The following FN3KRP variants were observed in gnomAD, a reference collection of about 807,000 sequenced individuals.
The protein encoded by FN3KRP is ketosamine-3-kinase.
Under a neutral mutation model 29.8 loss-of-function variants are expected in FN3KRP, and 33 were observed. That is an observed-to-expected ratio of 1.11 (90% CI 0.84 to 1.48). The LOEUF (loss-of-function observed/expected upper bound fraction) is 1.48, where lower values mean the gene tolerates loss of function less well. Ranked by LOEUF, FN3KRP falls within the 40% of genes most tolerant of loss-of-function variation. FN3KRP has a pLI of 0.00. For synonymous variants in FN3KRP, 157 were observed against 155.2 expected (o/e 1.01, Z -0.09); for missense variants, 430 against 402.6 (o/e 1.07, Z -0.58).
In FN3KRP at chr17:82,727,748, A is replaced by C. The variant is rs924261249; in HGVS notation, c.*577A>C. ...TCCCGCAGGCTGAGCAAGTCTGTAA[A>C]CTGATTCTGGGAGAAACCAAGCTGC... On this transcript the variant is annotated 3_prime_UTR_variant, in exon 6 of 6. Transcript: ENST00000269373. The C allele has an allele frequency of 6.6e-6, 1 of 152,432 alleles. No homozygotes were observed. Among genetic ancestry groups the C allele is most frequent in the African/African-American group, 2.4e-5 (1 of 41,452 alleles). The allele number at this position is 152,432 out of a possible 1,614,324, so 9.4% of individuals were successfully genotyped here.
Position 82,726,962 on chromosome 17 carries a change from C to A in FN3KRP, c.721C>A (p.His241Asn), listed in dbSNP as rs1202888165. The change falls in exon 6 of 6, where the codon CAC becomes AAC. Residue 241 changes from histidine to asparagine, a missense_variant. Coordinates refer to ENST00000269373, the MANE Select transcript of FN3KRP (RefSeq NM_024619.4). ...VIFDPASFYG[H>N]SEYELAIAGM... Reference sequence around the variant, plus strand: ...TTTTGACCCAGCTTCTTTCTACGGCCACTCGGAATATGAGCTGGCAATAGC... The same window carrying A: ...TTTTGACCCAGCTTCTTTCTACGGCAACTCGGAATATGAGCTGGCAATAGC... The A allele has an allele frequency of 1.9e-6, 3 of 1,613,844 alleles. No individual in the cohort carries two copies. Among genetic ancestry groups the A allele is most frequent in the Admixed American group, 3.3e-5 (2 of 59,936 alleles).
chr17:82,719,493 G>A (rs560093286), intron 2 of FN3KRP, among the ~76,000 whole-genome samples: 2 of 152,368 alleles, frequency 1.3e-5, no homozygotes, highest in African/African-American at 4.8e-5. Flanking sequence ...GGTGGCTCAC[G>A]CCTGGAATCC....
Position 82,727,273 on chromosome 17 carries a change from G to A in FN3KRP, c.*102G>A. Reference sequence around the variant, plus strand: ...GCTGGACTAGCTTAAGACCAATGCAGTAGCTTATTTCCAAGCCTTGCAAAG... The same window carrying A: ...GCTGGACTAGCTTAAGACCAATGCAATAGCTTATTTCCAAGCCTTGCAAAG... On this transcript the variant is annotated 3_prime_UTR_variant, in exon 6 of 6. Transcript: ENST00000269373. The A allele has an allele frequency of 4.9e-6, 5 of 1,019,380 alleles. No individual in the cohort carries two copies. Among genetic ancestry groups the A allele is most frequent in the Non-Finnish European group, 7.3e-6 (5 of 685,584 alleles). 63.1% of individuals were successfully genotyped at this position (1,019,380 alleles called of 1,614,324 possible).
At chr17:82,725,042 G>C (rs2046827578) in intron 4 of FN3KRP, among the ~76,000 whole-genome samples, 1 of 151,898 alleles carries the variant, frequency 6.6e-6, no homozygotes, top group Non-Finnish European at 1.5e-5. Flanking sequence ...CAATCTCCTG[G>C]CCTTGTGATC....
At chr17:82,717,867 T>A (rs907356577) in intron 1 of FN3KRP, among the ~76,000 whole-genome samples, 1 of 152,134 alleles carries the variant, frequency 6.6e-6, no homozygotes, top group Non-Finnish European at 1.5e-5. Flanking sequence ...TGTCTATGTG[T>A]ATGTTGTGTG....
At chr17:82,723,543 G>A (rs117564932) in intron 4 of FN3KRP, among the ~76,000 whole-genome samples, 132 of 152,174 alleles carry the variant, frequency 8.7e-4, no homozygotes, top group South Asian at 1.5e-3. Context: ...TTGTGTGCAC[G>A]CACGTCTGTG....
At position 82,727,061 on chromosome 17, in the gene FN3KRP, G is replaced by C. The variant is rs11551833; in HGVS notation, c.820G>C (p.Glu274Gln). Residue 274 changes from glutamate to glutamine, a missense_variant, in exon 6 of 6, where the codon GAG becomes CAG. Transcript: ENST00000269373. The part of the protein sequence containing the change: ...HGKIPKAPGF[E>Q]KRLQLYQLFH... ...CAAAATCCCCAAGGCCCCAGGATTC[G>C]AGAAGCGCCTTCAGTTGTATCAGCT... 1.2e-6 allele frequency: 2 copies of C among 1,614,094 alleles called. No homozygotes were observed. Among genetic ancestry groups the C allele is most frequent in the Admixed American group, 3.3e-5 (2 of 60,000 alleles).
At chr17:82,723,542 C>T (rs185515925) in intron 4 of FN3KRP, among the ~76,000 whole-genome samples, 12 of 151,962 alleles carry the variant, frequency 7.9e-5, no homozygotes, top group Admixed American at 4.6e-4. Context: ...TTTGTGTGCA[C>T]GCACGTCTGT....
chr17:82,718,154 GTGTTGTGTGTC>G (rs1346663025), intron 1 of FN3KRP, among the ~76,000 whole-genome samples: 1 of 150,904 alleles, frequency 6.6e-6, no homozygotes, highest in East Asian at 1.9e-4. Flanking sequence ...TGTTGTGTGT[GTGTTGTGTGTC>G]TGTATATGTT....
chr17:82,726,300 C>T (rs983770786), intron 4 of FN3KRP, among the ~76,000 whole-genome samples, 180 bp from the exon 5 acceptor site: 1 of 152,210 alleles, frequency 6.6e-6, no homozygotes, highest in Non-Finnish European at 1.5e-5. Flanking sequence ...GAGGTCTCAG[C>T]ATGTCCATGA....
At chr17:82,726,142 T>G (rs1463981637) in intron 4 of FN3KRP, among the ~76,000 whole-genome samples, 1 of 152,008 alleles carries the variant, frequency 6.6e-6, no homozygotes, top group Non-Finnish European at 1.5e-5. Context: ...ATGGCGCCAC[T>G]GCACTCCAGC....
Position 82,727,114 on chromosome 17 carries a change from TTTTGGA to T in FN3KRP, c.875_880del (p.Phe292_Gly293del). 1 of 1,614,092 alleles carries T rather than the reference TTTTGGA, an allele frequency of 6.2e-7. No homozygotes were observed. The highest frequency in any genetic ancestry group is 1.6e-4 in the Middle Eastern group (1 of 6,062). ...TTCACTACTTGAACCACTGGAATCA[TTTTGGA>T]TCGGGGTACAGAGGATCCTCCCTGA... On this transcript the variant is annotated inframe_deletion, in exon 6 of 6. Coordinates refer to ENST00000269373, the MANE Select transcript of FN3KRP (RefSeq NM_024619.4).
intron 3 of FN3KRP, chr17:82,721,085 T>C (rs914098909): frequency 6.6e-6 from 1 of 152,306 alleles, no homozygotes; most frequent in Non-Finnish European, 1.5e-5. Flanking sequence ...AGATTCTTTC[T>C]TTCTTTCTTT....
intron 3 of FN3KRP, chr17:82,722,560 T>C (rs1392867747): frequency 4.2e-6 from 2 of 473,616 alleles, no homozygotes; most frequent in Non-Finnish European, 7.5e-6. Context: ...GAGCAGCTAG[T>C]GTCTTTGATG....
rs996750941 is a variant in FN3KRP at position 82,720,328 on chromosome 17, T to A, written c.350T>A (p.Leu117His). ...GATTTACACCTTGATAACAAGAAGC[T>A]TGGAGAGATGCGCCTGAAGGAGGCG... ...LADLHLDNKK[L>H]GEMRLKEAGT... Residue 117 changes from leucine to histidine, a missense_variant, in exon 3 of 6, where the codon CTT becomes CAT. Leu to His is a moderately conservative substitution (Grantham distance 99, BLOSUM62 -3). Coordinates refer to ENST00000269373, the MANE Select transcript of FN3KRP (RefSeq NM_024619.4). The A allele has an allele frequency of 2.5e-6, 4 of 1,613,884 alleles. No individual in the cohort carries two copies.
At chr17:82,717,749 G>C (rs1345161636) in intron 1 of FN3KRP, among the ~76,000 whole-genome samples, 1 of 152,180 alleles carries the variant, frequency 6.6e-6, no homozygotes, top group Admixed American at 6.5e-5. Flanking sequence ...CCTAGCAGCG[G>C]TGACATGGCA....
intron 4 of FN3KRP, among the ~76,000 whole-genome samples, chr17:82,723,915 C>T (rs1164002783): frequency 6.6e-6 from 1 of 151,956 alleles, no homozygotes; most frequent in African/African-American, 2.4e-5. Flanking sequence ...GGCAGGTCAG[C>T]CAGCTCTGGC....
Position 82,726,585 on chromosome 17 carries a change from C to T in FN3KRP, c.574C>T (p.Leu192Phe), listed in dbSNP as rs1165189978. The T allele has an allele frequency of 3.1e-6, 5 of 1,613,124 alleles. No homozygotes were observed. The highest frequency in any genetic ancestry group is 1.3e-5 in the African/African-American group (1 of 74,904). Residue 192 changes from leucine to phenylalanine, a missense_variant, in exon 5 of 6, where the codon CTT becomes TTT. Transcript: ENST00000269373. ...GTCTGGGGACAGGGAGGCCCTCCAG[C>T]TTTGGTCTGCTCTGCAGGTGAGTGG... ...KESGDREALQ[L>F]WSALQLKIPD...
In FN3KRP at chr17:82,716,772, G is replaced by T; in HGVS notation, c.17G>T (p.Arg6Met). The T allele has an allele frequency of 6.5e-7, 1 of 1,529,258 alleles. No homozygotes were observed. The highest frequency in any genetic ancestry group is 8.7e-7 in the Non-Finnish European group (1 of 1,146,300). The allele number at this position is 1,529,258 out of a possible 1,614,324, so 94.7% of individuals were successfully genotyped here. Residue 6 changes from arginine to methionine, a missense_variant, in exon 1 of 6, where the codon AGG becomes ATG. By Grantham distance (91) the Arg-to-Met change is moderately conservative. Transcript: ENST00000269373. MEELL[R>M]RELGCSSVRA... ...GGCGGGAACATGGAGGAGCTCCTGAGGCGCGAGCTGGGCTGCAGCTCTGTC... is the reference window on the plus strand; with the variant it reads ...GGCGGGAACATGGAGGAGCTCCTGATGCGCGAGCTGGGCTGCAGCTCTGTC...
Sources: gnomAD v4.1 joint callset for allele counts (sites outside exome capture counted in the v4.1 genomes callset) on GRCh38, gnomAD v4.1.1 for gene constraint, MANE v1.5 for transcripts, NCBI Gene and HGNC (gene_info 2026-07-23, HGNC 2026-07-21) for gene names.